The following DNAH6 variants were observed in gnomAD, a reference collection of about 807,000 sequenced individuals.
The protein encoded by DNAH6 is dynein axonemal heavy chain 6, also known as axonemal beta dynein heavy chain 6.
DNAH6 carries 340 observed loss-of-function variants against 491.4 expected under a neutral mutation model. That is an observed-to-expected ratio of 0.69 (90% CI 0.63 to 0.76). The LOEUF (loss-of-function observed/expected upper bound fraction) is 0.76, where lower values mean the gene tolerates loss of function less well. DNAH6 is among the 30% of genes least tolerant of loss of function. The pLI, the probability that DNAH6 is intolerant of heterozygous loss-of-function variation, is 0.00. For synonymous variants in DNAH6, 1,603 were observed against 1,686.1 expected (o/e 0.95, Z 1.21); for missense variants, 4,443 against 4,972.2 (o/e 0.89, Z 3.20).
At chr2:84,499,832 T>G in the DNAH6 span, among the ~76,000 whole-genome samples, 14 of 152,340 alleles carry the variant, frequency 9.2e-5, no homozygotes, top group African/African-American at 3.1e-4. Context: ...TTGTGCATCT[T>G]CTTTTGAGAA....
chr2:84,711,590 T>A lies in DNAH6; in HGVS notation c.9378+1178T>A, dbSNP rs1272252681. Among the ~76,000 whole-genome samples the A allele has an allele frequency of 2.6e-5, 4 of 152,244 alleles. 1 individual carries two copies. The East Asian group carries it at 5.8e-4, about 22-fold the overall frequency. ...TCAGTATTTTATGTATTTTAACTCA[T>A]TAATCCTCACTGCCCCATCACAAGA... On this transcript the variant is annotated intron_variant, in intron 56 of 76. Transcript: ENST00000389394.
intron 62 of DNAH6, among the ~76,000 whole-genome samples, chr2:84,742,369 A>T (rs1672608453): frequency 6.6e-6 from 1 of 152,170 alleles, no homozygotes; most frequent in South Asian, 2.1e-4. Context: ...TAATTTGATT[A>T]TATTTATTAT....
At chr2:84,803,556 A>G (rs1297317936) in intron 70 of DNAH6, among the ~76,000 whole-genome samples, 4 of 151,962 alleles carry the variant, frequency 2.6e-5, no homozygotes, top group Non-Finnish European at 5.9e-5. Context: ...AATTAATAAT[A>G]AATAATAAAA....
Position 84,547,547 on chromosome 2 carries a change from C to T in DNAH6, c.1121C>T (p.Ala374Val). The T allele has an allele frequency of 6.4e-7, 1 of 1,551,754 alleles. No individual in the cohort carries two copies. The highest frequency in any genetic ancestry group is 2.4e-5 in the East Asian group (1 of 40,918). ...RNEAKYVVRR[A>V]CRFALRAAGF... The stretch of plus-strand genomic sequence containing the variant: ...GAGGCAAAATATGTAGTCAGGAGGG[C>T]TTGTCGATTTGCTTTGCGTGCTGCA... Residue 374 changes from alanine to valine, a missense_variant, in exon 7 of 77, where the codon GCT becomes GTT. Coordinates refer to ENST00000389394, the MANE Select transcript of DNAH6 (RefSeq NM_001370.2).
At chr2:84,818,287 C>T (rs1680683979) in intron 76 of DNAH6, among the ~76,000 whole-genome samples, 1 of 151,706 alleles carries the variant, frequency 6.6e-6, no homozygotes, top group African/African-American at 2.4e-5. Context: ...AAAACTCAAA[C>T]CTGCCAGCCT....
At chr2:84,502,013 G>C in the DNAH6 span, among the ~76,000 whole-genome samples, 1 of 151,296 alleles carries the variant, frequency 6.6e-6, no homozygotes, top group African/African-American at 2.4e-5. Flanking sequence ...TGTCTTCTTC[G>C]TTACAATTTC....
In DNAH6 at chr2:84,517,921, C is replaced by T; in HGVS notation, c.95C>T (p.Ala32Val). 6.4e-7 allele frequency: 1 copy of T among 1,551,668 alleles called. No individual in the cohort carries two copies. The highest frequency in any genetic ancestry group is 8.7e-7 in the Non-Finnish European group (1 of 1,146,954). The change falls in exon 2 of 77, where the codon GCC (alanine) becomes GTC (valine). Residue 32 changes from alanine to valine, a missense_variant. Ala to Val is a moderately conservative substitution (Grantham distance 64, BLOSUM62 0). This residue lies in a region of DNAH6 where 2,977 missense variants were observed against 3,296.6 expected (regional missense o/e 0.90). Transcript: ENST00000389394. ...SALSRLNNIK[A>V]KQRVSYVTST... Reference sequence around the variant, plus strand: ...CTTTCAAGACTGAATAATATAAAAGCCAAACAAAGAGTGAGTTATGTGACA... The same window carrying T: ...CTTTCAAGACTGAATAATATAAAAGTCAAACAAAGAGTGAGTTATGTGACA...
intron 64 of DNAH6, among the ~76,000 whole-genome samples, chr2:84,766,560 C>T (rs558056176): frequency 2.6e-4 from 40 of 152,132 alleles, no homozygotes; most frequent in Admixed American, 7.2e-4. Context: ...GTGGACTTCT[C>T]ATTCCAGTAA....
chr2:84,511,078 A>G, the DNAH6 span, among the ~76,000 whole-genome samples: 2 of 152,132 alleles, frequency 1.3e-5, no homozygotes, highest in African/African-American at 2.4e-5. Context: ...GTGTGCTGGG[A>G]GAACCACTAT....
the DNAH6 span, among the ~76,000 whole-genome samples, chr2:84,471,373 A>G: frequency 1.3e-5 from 2 of 152,200 alleles, no homozygotes; most frequent in African/African-American, 2.4e-5. Flanking sequence ...TCTGGTTTGA[A>G]TGTTTCGCAC....
At chr2:84,765,464 A>C (rs889282309) in intron 64 of DNAH6, among the ~76,000 whole-genome samples, 1 of 152,132 alleles carries the variant, frequency 6.6e-6, no homozygotes, top group Non-Finnish European at 1.5e-5. Context: ...GTAGCTAATG[A>C]GTGCTAATTT....
chr2:84,784,903 A>C, intron 66 of DNAH6, 93 bp downstream of exon 66: 17 of 861,632 alleles, frequency 2.0e-5, no homozygotes, highest in South Asian at 2.0e-4. Flanking sequence ...GCACAGAAGC[A>C]TGTGGAGGTC....
intron 26 of DNAH6, among the ~76,000 whole-genome samples, chr2:84,621,840 C>G (rs1687428098): frequency 6.6e-6 from 1 of 152,260 alleles, no homozygotes; most frequent in Non-Finnish European, 1.5e-5. Context: ...TAAGGACAAA[C>G]TGTATTCACT....
At chr2:84,699,573 A>G (rs1260800754) in intron 47 of DNAH6, 21 bp from the exon 48 acceptor site, 2 of 1,542,972 alleles carry the variant, frequency 1.3e-6, no homozygotes, top group Non-Finnish European at 1.8e-6. Flanking sequence ...TAAACTGAAA[A>G]AATAACTTTC....
At position 84,528,918 on chromosome 2, in the gene DNAH6, T is replaced by C; in HGVS notation, c.414T>C (p.Tyr138=). ...AVKKMQIHRP[Y]VEVFSPSPPK... ...GCTTTGTTTAGATTCATCGGCCCTATGTTGAGGTGTTCTCTCCCTCTCCTC... is the reference window on the plus strand; with the variant it reads ...GCTTTGTTTAGATTCATCGGCCCTACGTTGAGGTGTTCTCTCCCTCTCCTC... Residue 138 remains tyrosine (Y), a synonymous_variant, in exon 4 of 77, where the codon TAT becomes TAC. Coordinates refer to ENST00000389394, the MANE Select transcript of DNAH6 (RefSeq NM_001370.2). 2 of 1,550,266 alleles carry C rather than the reference T, an allele frequency of 1.3e-6. No homozygotes were observed. The highest frequency in any genetic ancestry group is 2.0e-5 in the Admixed American group (1 of 50,886).
chr2:84,641,859 GA>G, intron 32 of DNAH6, 87 bp from the exon 33 acceptor site: 2 of 1,021,236 alleles, frequency 2.0e-6, no homozygotes, highest in Non-Finnish European at 1.4e-6. Context: ...ATCCTCAGGG[GA>G]AGGGCTCTGC....
At chr2:84,708,992 T>G (rs1696790422) in intron 54 of DNAH6, among the ~76,000 whole-genome samples, 1 of 152,224 alleles carries the variant, frequency 6.6e-6, no homozygotes, top group African/African-American at 2.4e-5. Context: ...TCAGTCATTG[T>G]GATAACCCGA....
intron 3 of DNAH6, among the ~76,000 whole-genome samples, chr2:84,528,433 C>T (rs1422792626): frequency 6.6e-6 from 1 of 152,110 alleles, no homozygotes; most frequent in Non-Finnish European, 1.5e-5. Context: ...ATAACCGCCC[C>T]TCATATTCAC....
At chr2:84,752,168 G>C (rs900029480) in intron 63 of DNAH6, among the ~76,000 whole-genome samples, 1 of 152,170 alleles carries the variant, frequency 6.6e-6, no homozygotes, top group Non-Finnish European at 1.5e-5. Context: ...ATCTCACTTA[G>C]AGCAACAATT....
Sources: gnomAD v4.1 joint callset for allele counts (sites outside exome capture counted in the v4.1 genomes callset) on GRCh38, gnomAD v4.1.1 for gene constraint, gnomAD v4.1.1 regional missense constraint, MANE v1.5 for transcripts, NCBI Gene and HGNC (gene_info 2026-07-23, HGNC 2026-07-21) for gene names.